SLIT3: variants seen among roughly 807,000 people sequenced by gnomAD.
The protein encoded by SLIT3 is slit guidance ligand 3.
In SLIT3, 68 loss-of-function variants were observed where a neutral mutation model predicts 184.0. That is an observed-to-expected ratio of 0.37 (90% CI 0.30 to 0.45). SLIT3 has a LOEUF of 0.45. Ranked by LOEUF, SLIT3 falls within the 20% of genes least tolerant of loss-of-function variation. The pLI is 1.00. For synonymous variants in SLIT3, 831 were observed against 828.6 expected (o/e 1.00, Z -0.05); for missense variants, 1,707 against 2,026.0 (o/e 0.84, Z 3.02).
At chr5:169,273,936 T>C (rs1396963915) in intron 1 of SLIT3, among the ~76,000 whole-genome samples, 2 of 152,108 alleles carry the variant, frequency 1.3e-5, no homozygotes, top group Non-Finnish European at 2.9e-5. Flanking sequence ...GCTGAACAAT[T>C]CAAAATAATC....
intron 4 of SLIT3, among the ~76,000 whole-genome samples, chr5:168,895,671 C>T (rs1760635328): frequency 6.6e-6 from 1 of 152,168 alleles, no homozygotes; most frequent in Non-Finnish European, 1.5e-5. Context: ...CTCATCATGA[C>T]CCCATGCGCT....
At chr5:168,778,715 A>G (rs1755854290) in intron 12 of SLIT3, among the ~76,000 whole-genome samples, 1 of 152,232 alleles carries the variant, frequency 6.6e-6, no homozygotes, top group Non-Finnish European at 1.5e-5. Flanking sequence ...GCCAGGGACA[A>G]CCGTAGGACA....
intron 4 of SLIT3, among the ~76,000 whole-genome samples, chr5:168,962,194 G>A (rs982084903): frequency 1.3e-5 from 2 of 152,050 alleles, no homozygotes; most frequent in Non-Finnish European, 2.9e-5. Flanking sequence ...TCTCCCAAGT[G>A]GCTGGTCACA....
chr5:169,094,085 T>C (rs1390508619), intron 4 of SLIT3, among the ~76,000 whole-genome samples: 13 of 152,128 alleles, frequency 8.5e-5, no homozygotes, highest in Admixed American at 8.5e-4. Context: ...GAACTGAAAA[T>C]AGAAATATAA....
chr5:168,685,209 T>C (rs1029970245), intron 31 of SLIT3, among the ~76,000 whole-genome samples: 4 of 152,138 alleles, frequency 2.6e-5, no homozygotes, highest in African/African-American at 9.7e-5. Flanking sequence ...TCAGCCTCCC[T>C]AAGTGTTGGG....
At chr5:169,277,529 C>T (rs941857232) in intron 1 of SLIT3, among the ~76,000 whole-genome samples, 12 of 152,210 alleles carry the variant, frequency 7.9e-5, no homozygotes, top group East Asian at 3.8e-4. Flanking sequence ...TGACCCACCA[C>T]GAGTGGCCAG....
intron 26 of SLIT3, among the ~76,000 whole-genome samples, chr5:168,705,256 C>T (rs1762340957): frequency 6.6e-6 from 1 of 152,122 alleles, no homozygotes; most frequent in South Asian, 2.1e-4. Flanking sequence ...CTTTGAATCC[C>T]AACTCCCTTA....
chr5:168,908,602 T>C (rs1581200811), intron 4 of SLIT3, among the ~76,000 whole-genome samples: 1 of 152,196 alleles, frequency 6.6e-6, no homozygotes, highest in Non-Finnish European at 1.5e-5. Context: ...GACTTCTCCC[T>C]GCTTTTAAGA....
intron 1 of SLIT3, among the ~76,000 whole-genome samples, chr5:169,280,389 C>T (rs549087904): frequency 6.6e-6 from 1 of 152,162 alleles, no homozygotes; most frequent in Admixed American, 6.5e-5. Context: ...CAGTACATTT[C>T]CTAATTAATC....
chr5:168,739,243 A>C (rs1236919693), intron 20 of SLIT3, among the ~76,000 whole-genome samples: 5 of 152,176 alleles, frequency 3.3e-5, no homozygotes, highest in Non-Finnish European at 7.3e-5. Flanking sequence ...TTCAAAGCGT[A>C]AGACAGATCG....
chr5:168,878,105 C>T lies in SLIT3; in HGVS notation c.485+5160G>A, dbSNP rs1042542811. On this transcript the variant is annotated intron_variant, in intron 5 of 35. Transcript: ENST00000519560. Reference sequence around the variant, plus strand: ...GGTGAGTGTTGGTCTCTCTACAGGACAGTCTCTCTAAGGGTCTCTTTCTTC... The same window carrying T: ...GGTGAGTGTTGGTCTCTCTACAGGATAGTCTCTCTAAGGGTCTCTTTCTTC... Among the ~76,000 whole-genome samples the T allele has an allele frequency of 5.9e-5, 9 of 152,302 alleles. No homozygotes were observed. In the East Asian group the frequency reaches 1.7e-3, roughly 29 times the overall value.
chr5:168,915,764 C>T (rs542515861), intron 4 of SLIT3, among the ~76,000 whole-genome samples: 241 of 152,156 alleles, frequency 1.6e-3, no homozygotes, highest in African/African-American at 5.5e-3. Context: ...CCAGAGGCTG[C>T]TGTATGGAAC....
rs548604909 is a variant in SLIT3 at position 168,946,343 on chromosome 5, G to A, written c.414-63007C>T. 5.9e-5 allele frequency among the ~76,000 whole-genome samples: 9 copies of A among 152,312 alleles called. No individual in the cohort carries two copies. In the South Asian group the frequency reaches 1.9e-3, roughly 32 times the overall value. Reference sequence around the variant, plus strand: ...TCCTGCTGCAGGACCTACAGGACCAGAGAGCCTTAGTATCACCCACAGATG... The same window carrying A: ...TCCTGCTGCAGGACCTACAGGACCAAAGAGCCTTAGTATCACCCACAGATG... On this transcript the variant is annotated intron_variant, in intron 4 of 35. Transcript: ENST00000519560.
Position 168,828,658 on chromosome 5 carries a change from C to CAAAA in SLIT3, c.558-5331_558-5328dup, listed in dbSNP as rs56974958. Among the ~76,000 whole-genome samples the CAAAA allele has an allele frequency of 3.8e-4, 37 of 97,124 alleles. 1 individual carries two copies. In the East Asian group the frequency reaches 8.4e-3, roughly 22 times the overall value. 63.7% of individuals were successfully genotyped at this position (97,124 alleles called of 152,430 possible). A position where few individuals can be genotyped will look rare whatever the true frequency, so the allele number is the denominator to read the frequency against. On this transcript the variant is annotated intron_variant, in intron 6 of 35. Transcript: ENST00000519560. The stretch of plus-strand genomic sequence containing the variant: ...TGGGTGACAGAGTGAGATCCTGACT[C>CAAAA]AAAAAAAAAAAAGAAAAAAGAAAAA...
intron 3 of SLIT3, among the ~76,000 whole-genome samples, chr5:169,220,410 G>A (rs1257056611): frequency 6.6e-6 from 1 of 152,058 alleles, no homozygotes; most frequent in Non-Finnish European, 1.5e-5. Flanking sequence ...TCTACAGTAG[G>A]CCTTGGGGAT....
chr5:168,662,895 G>A lies in SLIT3; in HGVS notation c.*3559C>T, dbSNP rs1760918214. On this transcript the variant is annotated 3_prime_UTR_variant, in exon 36 of 36. Coordinates refer to ENST00000519560, the MANE Select transcript of SLIT3 (RefSeq NM_003062.4). ...CTGTTTCTAGAATGTGACTGCTCAA[G>A]GAGAGAGCGTTTTAATCATCATTTG... 1 of 152,224 alleles carries A rather than the reference G, an allele frequency of 6.6e-6. No homozygotes were observed. The highest frequency in any genetic ancestry group is 1.5e-5 in the Non-Finnish European group (1 of 68,042). 9.4% of individuals were successfully genotyped at this position (152,224 alleles called of 1,614,324 possible).
At chr5:168,856,551 G>C (rs1758875704) in intron 5 of SLIT3, among the ~76,000 whole-genome samples, 1 of 152,110 alleles carries the variant, frequency 6.6e-6, no homozygotes, top group Non-Finnish European at 1.5e-5. Context: ...TCAAGATTCA[G>C]GGGGGAAAAT....
At chr5:168,956,962 C>T (rs1047759651) in intron 4 of SLIT3, among the ~76,000 whole-genome samples, 2 of 151,030 alleles carry the variant, frequency 1.3e-5, no homozygotes, top group African/African-American at 4.9e-5. Flanking sequence ...AAGGCAGTGG[C>T]TCACACCTGT....
intron 31 of SLIT3, among the ~76,000 whole-genome samples, chr5:168,685,072 T>C (rs933612329): frequency 6.6e-6 from 1 of 152,152 alleles, no homozygotes; most frequent in Non-Finnish European, 1.5e-5. Flanking sequence ...TGCCTCCGCC[T>C]CCCAATAGCT....
Sources: allele counts gnomAD v4.1 joint callset (sites outside exome capture counted in the v4.1 genomes callset), GRCh38; gene constraint gnomAD v4.1.1; transcripts MANE v1.5; gene names NCBI Gene and HGNC (gene_info 2026-07-23, HGNC 2026-07-21).